The following ALDH1L1 variants were observed in gnomAD, a reference collection of about 807,000 sequenced individuals.
ALDH1L1 encodes aldehyde dehydrogenase 1 family member L1.
Under a neutral mutation model 101.1 loss-of-function variants are expected in ALDH1L1, and 68 were observed. The ratio of observed to expected loss-of-function variants is 0.67; its 90% confidence interval spans 0.55 to 0.82. The LOEUF is 0.82. ALDH1L1 is among the 40% of genes least tolerant of loss of function. The pLI is 0.00. For synonymous variants in ALDH1L1, 486 were observed against 470.8 expected, an observed-to-expected ratio of 1.03 and a Z score of -0.42; for missense variants, 1,087 against 1,172.7, an observed-to-expected ratio of 0.93 and a Z score of 1.07.
chr3:126,144,703 C>T (rs1027781902), intron 9 of ALDH1L1, among the ~76,000 whole-genome samples: 5 of 152,128 alleles, frequency 3.3e-5, no homozygotes, highest in Non-Finnish European at 4.4e-5. Flanking sequence ...AAATATTCAA[C>T]TCAAAATATA....
At chr3:126,154,144 C>T (rs905296374) in intron 6 of ALDH1L1, among the ~76,000 whole-genome samples, 2 of 152,188 alleles carry the variant, frequency 1.3e-5, no homozygotes, top group Admixed American at 6.5e-5. Flanking sequence ...GAGCCTGTGA[C>T]CCCCAAGTCT....
Position 126,136,821 on chromosome 3 carries a change from C to CG in ALDH1L1, c.1286_1287insC (p.Glu429AspfsTer12), listed in dbSNP as rs2080456186. On this transcript the variant is annotated frameshift_variant, in exon 11 of 23. Coordinates refer to ENST00000393434, the MANE Select transcript of ALDH1L1 (RefSeq NM_012190.4). LOFTEE classifies it high-confidence loss of function. ...TCTTGGCGCCCTCGGCATCCACGAA[C>CG]TCCCCCCCAATGAAGAGCTGGTGGG... 6.2e-7 allele frequency: 1 copy of CG among 1,608,408 alleles called. No individual in the cohort carries two copies. Among genetic ancestry groups the CG allele is most frequent in the African/African-American group, 1.3e-5 (1 of 74,878 alleles).
At chr3:126,147,309 G>A (rs549413298) in intron 8 of ALDH1L1, among the ~76,000 whole-genome samples, 14 of 152,314 alleles carry the variant, frequency 9.2e-5, no homozygotes, top group South Asian at 8.3e-4. Flanking sequence ...TGGTGCTAGC[G>A]CCCAGGTTCT....
intron 1 of ALDH1L1, among the ~76,000 whole-genome samples, chr3:126,167,564 C>T (rs2081194265): frequency 6.6e-6 from 1 of 152,010 alleles, no homozygotes; most frequent in Admixed American, 6.6e-5. Context: ...TAGAAAATCT[C>T]AGTTCCCACC....
At chr3:126,121,915 A>C (rs2080086915) in intron 16 of ALDH1L1, among the ~76,000 whole-genome samples, 1 of 152,176 alleles carries the variant, frequency 6.6e-6, no homozygotes, top group Non-Finnish European at 1.5e-5. Context: ...GTTCTTGGTG[A>C]CTATGGCTAA....
chr3:126,135,783 G>A, intron 11 of ALDH1L1, 121 bp from the exon 12 acceptor site: 1 of 1,243,810 alleles, frequency 8.0e-7, no homozygotes. Flanking sequence ...ACATGAGCAG[G>A]TGTGGAGGAG....
intron 2 of ALDH1L1, among the ~76,000 whole-genome samples, chr3:126,159,758 GGAC>G (rs1251514216): frequency 6.6e-6 from 1 of 152,180 alleles, no homozygotes; most frequent in Admixed American, 6.5e-5. Context: ...GCTGGGTGTA[GGAC>G]CCAGGCTGTG....
chr3:126,126,786 T>C (rs2080195714), intron 14 of ALDH1L1, among the ~76,000 whole-genome samples: 1 of 152,196 alleles, frequency 6.6e-6, no homozygotes, highest in African/African-American at 2.4e-5. Flanking sequence ...CAGAGTCTAA[T>C]GGCATGCCCT....
chr3:126,158,548 G>A lies in ALDH1L1; in HGVS notation c.219C>T (p.Tyr73=), dbSNP rs755005931. ...GQALPDVVAK[Y]QALGAELNVL... is the part of the protein sequence containing the mutation. The stretch of plus-strand genomic sequence containing the variant: ...CGTTGAGCTCGGCCCCCAAAGCCTG[G>A]TATTTTGCCACCACATCAGGCAAAG... The change falls in exon 3 of 23, where the codon TAC becomes TAT. Residue 73 remains tyrosine, a synonymous_variant. Transcript: ENST00000393434. 3 of 1,614,090 alleles carry A rather than the reference G, an allele frequency of 1.9e-6. No homozygotes were observed. The highest frequency in any genetic ancestry group is 2.5e-6 in the Non-Finnish European group (3 of 1,180,034).
At chr3:126,113,565 C>T (rs1473683108) in intron 18 of ALDH1L1, among the ~76,000 whole-genome samples, 4 of 152,202 alleles carry the variant, frequency 2.6e-5, no homozygotes, top group Admixed American at 1.3e-4. Flanking sequence ...CCCCGACCTC[C>T]AGCTCAGCAC....
At position 126,112,950 on chromosome 3, in the gene ALDH1L1, C is replaced by T. The variant is rs1187530125; in HGVS notation, c.2083-70G>A. The T allele has an allele frequency of 2.1e-6, 3 of 1,412,860 alleles. No individual in the cohort carries two copies. In the East Asian group the frequency reaches 6.9e-5, roughly 33 times the overall value. 87.5% of individuals were successfully genotyped at this position (1,412,860 alleles called of 1,614,324 possible). A position where few individuals can be genotyped will look rare whatever the true frequency, so the allele number is the denominator to read the frequency against. On this transcript the variant is annotated intron_variant, in intron 18 of 22. Transcript: ENST00000393434. ...ACACCAGCCCCCGGCTCTGCCAGGG[C>T]CCAGCCGCCTCTTCTAATTAGGAAA...
Position 126,136,950 on chromosome 3 carries a change from A to T in ALDH1L1, c.1225-67T>A. 1.9e-6 allele frequency: 3 copies of T among 1,590,348 alleles called. No individual in the cohort carries two copies. The African/African-American group carries it at 4.0e-5, about 21-fold the overall frequency. ...GTGCAGGAAGCATACACAGATGGCC[A>T]CACAGTCACACACACACACTGCCCA... is the stretch of plus-strand genomic sequence containing the variant. On this transcript the variant is annotated intron_variant, in intron 10 of 22. Transcript: ENST00000393434.
chr3:126,183,526 C>T (rs1338467434), upstream of ALDH1L1, among the ~76,000 whole-genome samples: 2 of 152,106 alleles, frequency 1.3e-5, no homozygotes, highest in Non-Finnish European at 1.5e-5. Context: ...GAGCCAAGAG[C>T]GTGGAGAATC....
chr3:126,142,701 A>G (rs13098739), intron 9 of ALDH1L1, among the ~76,000 whole-genome samples: 59,082 of 152,154 alleles, frequency 0.39, 11,563 homozygotes, highest in Middle Eastern at 0.5. Context: ...TTTATATAAT[A>G]AAGGCCATAT....
chr3:126,126,813 T>C (rs1352245080), intron 14 of ALDH1L1, among the ~76,000 whole-genome samples: 1 of 152,160 alleles, frequency 6.6e-6, no homozygotes, highest in Non-Finnish European at 1.5e-5. Flanking sequence ...GAGACCAGAT[T>C]GCTGTGTTGT....
chr3:126,138,050 A>G, intron 9 of ALDH1L1, 90 bp from the exon 10 acceptor site: 2 of 1,516,904 alleles, frequency 1.3e-6, no homozygotes, highest in Non-Finnish European at 1.8e-6. Context: ...CAAACACCCC[A>G]GAGAGGCTCC....
At chr3:126,142,355 T>C (rs770159799) in intron 9 of ALDH1L1, among the ~76,000 whole-genome samples, 24 of 152,300 alleles carry the variant, frequency 1.6e-4, no homozygotes, top group Admixed American at 3.3e-4. Context: ...AAGGCCAGCG[T>C]TTACTCTGAG....
intron 9 of ALDH1L1, among the ~76,000 whole-genome samples, chr3:126,144,517 C>T (rs1373376616): frequency 6.6e-6 from 1 of 152,088 alleles, no homozygotes; most frequent in African/African-American, 2.4e-5. Flanking sequence ...ATATATAGAC[C>T]AATGAACAAG....
At chr3:126,192,899 A>G (rs1277302450) in intron 1 of ALDH1L1, among the ~76,000 whole-genome samples, 1 of 152,226 alleles carries the variant, frequency 6.6e-6, no homozygotes, top group Non-Finnish European at 1.5e-5. Flanking sequence ...CCTCAGGGTC[A>G]GAACAAATTT....
Sources: allele counts gnomAD v4.1 joint callset (sites outside exome capture counted in the v4.1 genomes callset), GRCh38; gene constraint gnomAD v4.1.1; transcripts MANE v1.5; gene names NCBI Gene and HGNC (gene_info 2026-07-23, HGNC 2026-07-21).